EFNA5: variants seen among roughly 807,000 people sequenced by gnomAD.
EFNA5 encodes the protein ephrin-A5.
In EFNA5, 5 loss-of-function variants were observed where a neutral mutation model predicts 22.9. The observed-to-expected ratio is 0.22, with a 90% CI of 0.11 to 0.46. The LOEUF is 0.46. Among genes scored for constraint, EFNA5 ranks in the 20% least tolerant of loss-of-function variants. EFNA5 has a pLI of 0.99. For missense variants in EFNA5, 237 were observed against 293.3 expected, an observed-to-expected ratio of 0.81 and a Z score of 1.40; for synonymous variants, 113 against 112.2, an observed-to-expected ratio of 1.01 and a Z score of -0.04.
At position 107,519,596 on chromosome 5, in the gene EFNA5, C is replaced by T. The variant is rs984240070; in HGVS notation, c.126-92087G>A. Among the ~76,000 whole-genome samples, 7 of 152,248 alleles carry T rather than the reference C, an allele frequency of 4.6e-5. No individual in the cohort carries two copies. The East Asian group carries it at 1.4e-3, about 29-fold the overall frequency. On this transcript the variant is annotated intron_variant, in intron 1 of 4. Transcript: ENST00000333274. The stretch of plus-strand genomic sequence containing the variant: ...CATACAGAGGTCTTTGAAAGAGTGT[C>T]TTCCAAAATAAAACACTGAGAAAAC...
At chr5:107,495,517 A>G (rs941085439) in intron 1 of EFNA5, among the ~76,000 whole-genome samples, 1 of 152,210 alleles carries the variant, frequency 6.6e-6, no homozygotes, top group African/African-American at 2.4e-5. Flanking sequence ...TTCTGGACAC[A>G]ATGTCATGAC....
In EFNA5 at chr5:107,533,666, A is replaced by G. The variant is rs543513094; in HGVS notation, c.126-106157T>C. Among the ~76,000 whole-genome samples the G allele has an allele frequency of 2.0e-5, 3 of 152,300 alleles. No homozygotes were observed. In the South Asian group the frequency reaches 6.2e-4, roughly 32 times the overall value. On this transcript the variant is annotated intron_variant, in intron 1 of 4. Transcript: ENST00000333274. Reference sequence around the variant, plus strand: ...GATCATTAGATCCATGCAGTTAAACATCCATCAAGAATTCTCCTATAAAAG... The same window carrying G: ...GATCATTAGATCCATGCAGTTAAACGTCCATCAAGAATTCTCCTATAAAAG...
intron 1 of EFNA5, among the ~76,000 whole-genome samples, chr5:107,652,537 TG>T (rs1169173706): frequency 5.3e-5 from 8 of 152,220 alleles, no homozygotes; most frequent in African/African-American, 1.9e-4. Context: ...TCCTGGTATT[TG>T]CCTGCATGTG....
At chr5:107,556,006 T>A (rs1165587105) in intron 1 of EFNA5, among the ~76,000 whole-genome samples, 2 of 152,214 alleles carry the variant, frequency 1.3e-5, no homozygotes, top group Non-Finnish European at 2.9e-5. Flanking sequence ...GACACATTCA[T>A]GATTTCCCTT....
At chr5:107,430,319 A>G (rs1467411004) in intron 1 of EFNA5, among the ~76,000 whole-genome samples, 1 of 152,190 alleles carries the variant, frequency 6.6e-6, no homozygotes, top group Non-Finnish European at 1.5e-5. Context: ...CCAGACAAGA[A>G]CAGCAGAAGG....
intron 1 of EFNA5, among the ~76,000 whole-genome samples, chr5:107,556,984 C>T (rs531831964): frequency 3.6e-4 from 54 of 151,842 alleles, no homozygotes; most frequent in African/African-American, 8.0e-4. Flanking sequence ...CCCTAAATGA[C>T]CCGGTATGTG....
chr5:107,482,832 G>GTCTCTCTCTCTCTC (rs59574940), intron 1 of EFNA5, among the ~76,000 whole-genome samples: 4 of 94,052 alleles, frequency 4.3e-5, no homozygotes, highest in Non-Finnish European at 8.2e-5. Context: ...CTCTGTCTCT[G>GTCTCTCTCTCTCTC]TCTCTCTCTC....
chr5:107,412,599 A>G (rs543641780), intron 2 of EFNA5, among the ~76,000 whole-genome samples: 17 of 152,142 alleles, frequency 1.1e-4, no homozygotes, highest in East Asian at 7.7e-4. Context: ...GACTATAGGG[A>G]AAAAAAACCA....
At chr5:107,611,638 A>G (rs1478622161) in intron 1 of EFNA5, among the ~76,000 whole-genome samples, 1 of 152,236 alleles carries the variant, frequency 6.6e-6, no homozygotes, top group African/African-American at 2.4e-5. Context: ...GAATATGTGA[A>G]TATGACAGGA....
intron 2 of EFNA5, among the ~76,000 whole-genome samples, chr5:107,410,022 CTTTTTTTTTTTT>C (rs70996956): frequency 6.8e-5 from 6 of 88,002 alleles, no homozygotes; most frequent in Admixed American, 4.0e-4. Flanking sequence ...TGACATGATT[CTTTTTTTTTTTT>C]TTTTTTTTTT....
At chr5:107,418,526 G>C (rs1336957814) in intron 2 of EFNA5, among the ~76,000 whole-genome samples, 1 of 152,154 alleles carries the variant, frequency 6.6e-6, no homozygotes, top group African/African-American at 2.4e-5. Context: ...GGAAGCAAAA[G>C]GTGACATAAT....
At position 107,670,413 on chromosome 5, in the gene EFNA5, C is replaced by G. The variant is rs934842251; in HGVS notation, c.125+76G>C. The G allele has an allele frequency of 3.4e-6, 5 of 1,471,260 alleles. No homozygotes were observed. In the African/African-American group the frequency reaches 7.3e-5, roughly 21 times the overall value. The allele number at this position is 1,471,260 out of a possible 1,614,324, so 91.1% of individuals were successfully genotyped here. ...GCGCGCCGCCAGCGGTTGGTGCGCG[C>G]CGATCCCCGCCGCCGCTCCTTCCGC... On this transcript the variant is annotated intron_variant, in intron 1 of 4. Coordinates refer to ENST00000333274, the MANE Select transcript of EFNA5 (RefSeq NM_001962.3).
At chr5:107,479,017 T>G (rs1044057434) in intron 1 of EFNA5, among the ~76,000 whole-genome samples, 1 of 152,186 alleles carries the variant, frequency 6.6e-6, no homozygotes, top group South Asian at 2.1e-4. Context: ...TTTAAGAAAG[T>G]AATTTTAATT....
At chr5:107,569,389 G>A (rs1272627105) in intron 1 of EFNA5, among the ~76,000 whole-genome samples, 2 of 140,920 alleles carry the variant, frequency 1.4e-5, no homozygotes, top group Non-Finnish European at 3.0e-5. Flanking sequence ...ATATTTTTAT[G>A]TATATGTGTG....
chr5:107,410,554 A>G (rs1580432791), intron 2 of EFNA5, among the ~76,000 whole-genome samples: 1 of 152,326 alleles, frequency 6.6e-6, no homozygotes, highest in South Asian at 2.1e-4. Context: ...AAAATGCTCC[A>G]TAAAAAAAGG....
intron 1 of EFNA5, among the ~76,000 whole-genome samples, chr5:107,516,465 C>A (rs1246826658): frequency 6.6e-6 from 1 of 152,100 alleles, no homozygotes; most frequent in Non-Finnish European, 1.5e-5. Context: ...CCCAAAACAA[C>A]CTGTTGGTCT....
chr5:107,554,371 A>G (rs1748363717), intron 1 of EFNA5, among the ~76,000 whole-genome samples: 1 of 152,222 alleles, frequency 6.6e-6, no homozygotes. Flanking sequence ...GAATCCTCCC[A>G]TTCTGATATT....
intron 1 of EFNA5, among the ~76,000 whole-genome samples, chr5:107,657,012 C>T (rs1250994219): frequency 2.6e-5 from 4 of 152,004 alleles, no homozygotes; most frequent in Non-Finnish European, 2.9e-5. Flanking sequence ...CAAAAAAGTA[C>T]ATAAACACAA....
intron 2 of EFNA5, among the ~76,000 whole-genome samples, chr5:107,407,232 C>G (rs1465674988): frequency 6.6e-6 from 1 of 152,082 alleles, no homozygotes; most frequent in Non-Finnish European, 1.5e-5. Context: ...ACCTTTTTTG[C>G]AGTAATGCCG....
Sources: gnomAD v4.1 joint callset for allele counts (sites outside exome capture counted in the v4.1 genomes callset) on GRCh38, gnomAD v4.1.1 for gene constraint, MANE v1.5 for transcripts, NCBI Gene and HGNC (gene_info 2026-07-23, HGNC 2026-07-21) for gene names.